The following UGGT1 variants were observed in gnomAD, a reference collection of about 807,000 sequenced individuals.
UGGT1 encodes UDP-glucose glycoprotein glucosyltransferase 1.
In UGGT1, 107 loss-of-function variants were observed where a neutral mutation model predicts 203.9. The observed-to-expected ratio is 0.52, with a 90% CI of 0.45 to 0.62. The LOEUF is 0.62. Among genes scored for constraint, UGGT1 ranks in the 20% least tolerant of loss-of-function variants. UGGT1 has a pLI of 0.00. For missense variants in UGGT1, 1,673 were observed against 1,867.2 expected, an observed-to-expected ratio of 0.90 and a Z score of 1.92; for synonymous variants, 628 against 653.5, an observed-to-expected ratio of 0.96 and a Z score of 0.59.
chr2:128,151,229 G>T, intron 18 of UGGT1: 1 of 592,958 alleles, frequency 1.7e-6, no homozygotes, highest in Non-Finnish European at 3.2e-6. Flanking sequence ...TGTTTCTTCT[G>T]CTCCTCTTTT....
chr2:128,133,586 A>C (rs1027507906), intron 14 of UGGT1, among the ~76,000 whole-genome samples: 1 of 152,010 alleles, frequency 6.6e-6, no homozygotes, highest in Non-Finnish European at 1.5e-5. Context: ...TATTTTTTCT[A>C]ATCAGCTTTT....
chr2:128,143,210 T>C lies in UGGT1; in HGVS notation c.1836T>C (p.Tyr612=). Residue 612 remains tyrosine (Y), a synonymous_variant, in exon 17 of 41, where the codon TAT becomes TAC. Coordinates refer to ENST00000259253, the MANE Select transcript of UGGT1 (RefSeq NM_020120.4). The part of the protein sequence containing the change: ...VNSILGIDSA[Y]DRNRKEARGY... ...GCATTTTGGGGATTGATTCTGCTTA[T>C]GATCGGAATCGGAAGGTAAAAAATT... is the stretch of plus-strand genomic sequence containing the variant. The C allele has an allele frequency of 1.2e-6, 2 of 1,613,768 alleles. No individual in the cohort carries two copies. The highest frequency in any genetic ancestry group is 1.7e-6 in the Non-Finnish European group (2 of 1,179,846).
chr2:128,130,183 A>G (rs564360265), intron 13 of UGGT1, among the ~76,000 whole-genome samples: 3 of 150,120 alleles, frequency 2.0e-5, no homozygotes, highest in East Asian at 2.0e-4. Flanking sequence ...AATTGCTTCA[A>G]CCTGGGGGTG....
rs368660653 is a variant in UGGT1 at position 128,158,223 on chromosome 2, CTA to C, written c.2355+879_2355+880del. ...GAAGGAGAGTTGCATTTTTTAATAA[CTA>C]TTTTAATTGAAGTAAAATGTAGGTT... On this transcript the variant is annotated intron_variant, in intron 22 of 40. Transcript: ENST00000259253. Among the ~76,000 whole-genome samples the C allele has an allele frequency of 4.5e-3, 687 of 152,294 alleles. 4 individuals carry two copies. The highest frequency in any genetic ancestry group is 0.012 in the African/African-American group (518 of 41,556).
At chr2:128,109,445 G>A (rs1451248751) in intron 4 of UGGT1, among the ~76,000 whole-genome samples, 189 bp from the exon 5 acceptor site, 1 of 152,056 alleles carries the variant, frequency 6.6e-6, no homozygotes, top group African/African-American at 2.4e-5. Flanking sequence ...TAACTGCCCA[G>A]GCTTGGGCTT....
chr2:128,177,702 T>C, intron 32 of UGGT1, 130 bp from the exon 33 acceptor site: 1 of 670,136 alleles, frequency 1.5e-6, no homozygotes, highest in East Asian at 3.1e-5. Flanking sequence ...CTGGGTGGGG[T>C]TGTGCCTGTT....
intron 18 of UGGT1, among the ~76,000 whole-genome samples, chr2:128,148,368 A>G (rs552236271): frequency 1.3e-5 from 2 of 152,320 alleles, no homozygotes; most frequent in African/African-American, 4.8e-5. Flanking sequence ...ATGTGCCACC[A>G]TGCTCGGCCC....
chr2:128,187,427 G>C (rs1262579072), intron 39 of UGGT1, 22 bp from the exon 40 acceptor site: 1 of 1,608,300 alleles, frequency 6.2e-7, no homozygotes, highest in Non-Finnish European at 8.5e-7. Context: ...CTCAGCTGAA[G>C]TGTGTTCTTT....
At chr2:128,172,901 A>C in intron 29 of UGGT1, 139 bp downstream of exon 29, 3 of 788,918 alleles carry the variant, frequency 3.8e-6, no homozygotes, top group Non-Finnish European at 5.9e-6. Context: ...CATGGAACTC[A>C]TATACCATAA....
chr2:128,173,991 A>G (rs1391527322), intron 30 of UGGT1, 52 bp downstream of exon 30: 1 of 1,586,646 alleles, frequency 6.3e-7, no homozygotes, highest in Non-Finnish European at 8.6e-7. Context: ...TAATTTGGGC[A>G]CTATAATTTA....
intron 11 of UGGT1, among the ~76,000 whole-genome samples, chr2:128,124,432 C>T (rs4233586): frequency 1 from 151,818 of 152,266 alleles, 75,687 homozygotes; most frequent in Middle Eastern, 1. Context: ...TTGACTCTAG[C>T]TATCTGAAAT....
intron 18 of UGGT1, among the ~76,000 whole-genome samples, chr2:128,151,647 G>A (rs923462384): frequency 7.2e-5 from 11 of 152,142 alleles, no homozygotes; most frequent in African/African-American, 2.7e-4. Context: ...CGGTGAGAGA[G>A]GATCTCTTGA....
At chr2:128,104,363 A>G (rs1303464990) in intron 3 of UGGT1, among the ~76,000 whole-genome samples, 1 of 152,226 alleles carries the variant, frequency 6.6e-6, no homozygotes, top group Non-Finnish European at 1.5e-5. Flanking sequence ...GTTATGAACT[A>G]CACAACTGAG....
At chr2:128,136,994 A>G (rs1573553284) in intron 15 of UGGT1, among the ~76,000 whole-genome samples, 2 of 152,140 alleles carry the variant, frequency 1.3e-5, no homozygotes, top group Non-Finnish European at 1.5e-5. Flanking sequence ...TTTATCACCT[A>G]TCTGTATATC....
At chr2:128,183,926 G>GTA (rs1691840640) in intron 38 of UGGT1, 137 bp downstream of exon 38, 2 of 558,684 alleles carry the variant, frequency 3.6e-6, no homozygotes, top group East Asian at 3.1e-5. Context: ...GTGTGTGTGT[G>GTA]TGTGTGTGTG....
chr2:128,100,361 A>G (rs1687321664), intron 2 of UGGT1, among the ~76,000 whole-genome samples: 1 of 151,522 alleles, frequency 6.6e-6, no homozygotes, highest in African/African-American at 2.4e-5. Context: ...CACTTTCTGA[A>G]TCATTTTGTA....
rs1690178194 is a variant in UGGT1 at position 128,155,376 on chromosome 2, T to G, written c.2138-113T>G. 7 of 763,366 alleles carry G rather than the reference T, an allele frequency of 9.2e-6. No homozygotes were observed. In the South Asian group the frequency reaches 1.1e-4, roughly 12 times the overall value. The allele number at this position is 763,366 out of a possible 1,614,324, so 47.3% of individuals were successfully genotyped here. ...TCAGTAAACATGGAACTTAATATAC[T>G]TCACTCACGCATTTCTATAAATCTT... On this transcript the variant is annotated intron_variant, in intron 19 of 40. Coordinates refer to ENST00000259253, the MANE Select transcript of UGGT1 (RefSeq NM_020120.4).
chr2:128,160,612 A>G, intron 24 of UGGT1, 21 bp downstream of exon 24: 1 of 1,601,832 alleles, frequency 6.2e-7, no homozygotes. Flanking sequence ...GTCAAGCTTG[A>G]CTTCACATTA....
At chr2:128,112,459 T>TTA (rs1687907653) in intron 5 of UGGT1, among the ~76,000 whole-genome samples, 1 of 118,456 alleles carries the variant, frequency 8.4e-6, no homozygotes, top group Non-Finnish European at 1.8e-5. Context: ...CTATGTTATA[T>TTA]ATATATATAT....
Sources: gnomAD v4.1 joint callset for allele counts (sites outside exome capture counted in the v4.1 genomes callset) on GRCh38, gnomAD v4.1.1 for gene constraint, MANE v1.5 for transcripts, NCBI Gene and HGNC (gene_info 2026-07-23, HGNC 2026-07-21) for gene names.